TNR: variants seen among roughly 807,000 people sequenced by gnomAD.
The protein encoded by TNR is tenascin R, also known as tenascin-R.
Under a neutral mutation model 150.4 loss-of-function variants are expected in TNR, and 45 were observed. That is an observed-to-expected ratio of 0.30 (90% CI 0.24 to 0.38). The LOEUF is 0.38. Ranked by LOEUF, TNR falls within the 10% of genes least tolerant of loss-of-function variation. TNR has a pLI of 1.00. For synonymous variants in TNR, 687 were observed against 678.4 expected (o/e 1.01, Z -0.20); for missense variants, 1,544 against 1,759.1 (o/e 0.88, Z 2.19).
intron 1 of TNR, 128 bp from the exon 2 acceptor site, chr1:175,528,497 C>T (rs745484855): frequency 6.6e-6 from 1 of 152,142 alleles, no homozygotes; most frequent in Non-Finnish European, 1.5e-5. Flanking sequence ...TGTGAATTTC[C>T]AAAGCAAAGA....
chr1:175,451,566 A>C (rs12044767), intron 2 of TNR, among the ~76,000 whole-genome samples: 38,105 of 151,938 alleles, frequency 0.25, 5,011 homozygotes, highest in East Asian at 0.47. Context: ...CCAATAGGGG[A>C]TTTTGTCACT....
intron 1 of TNR, among the ~76,000 whole-genome samples, chr1:175,561,206 C>G (rs1661412635): frequency 6.6e-6 from 1 of 152,158 alleles, no homozygotes; most frequent in African/African-American, 2.4e-5. Flanking sequence ...CTCTTTCCAT[C>G]CTTTCTACAT....
intron 17 of TNR, among the ~76,000 whole-genome samples, 200 bp downstream of exon 17, chr1:175,355,303 A>G (rs1651269168): frequency 6.6e-6 from 1 of 152,158 alleles, no homozygotes. Flanking sequence ...AGCTAGGACT[A>G]TCATCCAAAT....
rs552643164 is a variant in TNR, at chr1:175,513,129, T to C, written c.-64+15140A>G. On this transcript the variant is annotated intron_variant, in intron 2 of 22. Coordinates refer to ENST00000367674, the MANE Select transcript of TNR (RefSeq NM_003285.3). ...GTTGGGTTGCCAGGTTTTAAATTGG[T>C]GGATAACATGGTAATCCTTGTAATG... Among the ~76,000 whole-genome samples, 3 of 152,330 alleles carry C rather than the reference T, an allele frequency of 2.0e-5. No individual in the cohort carries two copies. The South Asian group carries it at 6.2e-4, about 32-fold the overall frequency.
intron 20 of TNR, among the ~76,000 whole-genome samples, chr1:175,331,045 C>CTTTCTTTCTTTCT (rs1649771202): frequency 4.5e-5 from 4 of 89,408 alleles, no homozygotes; most frequent in African/African-American, 1.7e-4. Flanking sequence ...TTCTTTCTTT[C>CTTTCTTTCTTTCT]TTTCTTTCTT....
Position 175,489,708 on chromosome 1 carries a change from A to G in TNR, c.-64+38561T>C, listed in dbSNP as rs1298002702. On this transcript the variant is annotated intron_variant, in intron 2 of 22. Coordinates refer to ENST00000367674, the MANE Select transcript of TNR (RefSeq NM_003285.3). ...TGTTTGACAGGCTTGGTGTTTAATAACATTTGCCATTCAGAGTCTGATATT... is the reference window on the plus strand; with the variant it reads ...TGTTTGACAGGCTTGGTGTTTAATAGCATTTGCCATTCAGAGTCTGATATT... 2.0e-5 allele frequency among the ~76,000 whole-genome samples: 3 copies of G among 152,164 alleles called. 1 individual carries two copies. The highest frequency in any genetic ancestry group is 7.2e-5 in the African/African-American group (3 of 41,432).
At chr1:175,410,500 A>C (rs1161289530) in intron 2 of TNR, among the ~76,000 whole-genome samples, 1 of 152,062 alleles carries the variant, frequency 6.6e-6, no homozygotes, top group African/African-American at 2.4e-5. Context: ...GATGCTAGCA[A>C]CTCTGCCGGG....
intron 18 of TNR, among the ~76,000 whole-genome samples, chr1:175,343,388 C>T (rs1650621320): frequency 1.3e-5 from 2 of 152,156 alleles, no homozygotes; most frequent in African/African-American, 4.8e-5. Flanking sequence ...TTATTCAAGT[C>T]TTGGCTCACA....
intron 1 of TNR, among the ~76,000 whole-genome samples, chr1:175,655,272 A>T (rs549670741): frequency 6.6e-6 from 1 of 152,334 alleles, no homozygotes; most frequent in African/African-American, 2.4e-5. Context: ...ATCCTTGTTG[A>T]TATCTCTGCT....
chr1:175,695,544 G>GCTAAT (rs1390283376), intron 1 of TNR, among the ~76,000 whole-genome samples: 1 of 152,140 alleles, frequency 6.6e-6, no homozygotes, highest in Non-Finnish European at 1.5e-5. Context: ...ATTCTTCTAG[G>GCTAAT]CTAATCATTC....
chr1:175,408,506 G>A (rs1306303110), intron 2 of TNR, among the ~76,000 whole-genome samples: 2 of 152,162 alleles, frequency 1.3e-5, no homozygotes, highest in East Asian at 3.9e-4. Context: ...CTAGACTATA[G>A]TCTGTCCCTG....
intron 1 of TNR, among the ~76,000 whole-genome samples, chr1:175,633,993 GGATGAT>G (rs1322726718): frequency 3.7e-5 from 5 of 136,230 alleles, no homozygotes; most frequent in Middle Eastern, 3.6e-3. Flanking sequence ...CGTAGGACTG[GGATGAT>G]GATGATGATG....
Position 175,669,995 on chromosome 1 carries a change from G to T in TNR, c.-165+73231C>A, listed in dbSNP as rs189088184. ...ACTCTACACTCTGTTTCACTGTGTG[G>T]TTCACACCATGCCAGGCCTCCATGT... On this transcript the variant is annotated intron_variant, in intron 1 of 22. Coordinates refer to ENST00000367674, the MANE Select transcript of TNR (RefSeq NM_003285.3). 3.1e-3 allele frequency among the ~76,000 whole-genome samples: 475 copies of T among 152,226 alleles called. 1 individual carries two copies. Among genetic ancestry groups the T allele is most frequent in the African/African-American group, 0.011 (449 of 41,548 alleles).
chr1:175,720,415 C>G (rs1374941387), intron 1 of TNR, among the ~76,000 whole-genome samples: 1 of 152,188 alleles, frequency 6.6e-6, no homozygotes, highest in Non-Finnish European at 1.5e-5. Context: ...GTTGTTTAAA[C>G]CTCCTAGGCT....
intron 1 of TNR, among the ~76,000 whole-genome samples, chr1:175,735,086 G>A (rs1488518659): frequency 6.6e-6 from 1 of 152,176 alleles, no homozygotes; most frequent in Admixed American, 6.5e-5. Flanking sequence ...CTGGGTCACC[G>A]TGAGGAGACA....
intron 1 of TNR, among the ~76,000 whole-genome samples, chr1:175,553,816 A>ACGC (rs60039759): frequency 6.9e-6 from 1 of 145,904 alleles, no homozygotes; most frequent in South Asian, 2.1e-4. Flanking sequence ...ATACAAGAAC[A>ACGC]AACACACACA....
intron 1 of TNR, among the ~76,000 whole-genome samples, chr1:175,579,227 G>C (rs1234306436): frequency 9.7e-6 from 1 of 102,770 alleles, no homozygotes; most frequent in African/African-American, 3.7e-5. Flanking sequence ...CTTCCTTCTT[G>C]CCTGCCTACC....
intron 2 of TNR, among the ~76,000 whole-genome samples, chr1:175,451,275 G>T (rs1656305079): frequency 6.7e-6 from 1 of 149,914 alleles, no homozygotes. Context: ...CAACGTGCAG[G>T]TTTGTTATAT....
intron 13 of TNR, among the ~76,000 whole-genome samples, chr1:175,363,299 C>T (rs751574271): frequency 5.9e-5 from 9 of 152,236 alleles, no homozygotes; most frequent in Non-Finnish European, 7.3e-5. Flanking sequence ...AATGGGACCA[C>T]ATCACTGTGC....
Sources: gnomAD v4.1 joint callset for allele counts (sites outside exome capture counted in the v4.1 genomes callset) on GRCh38, gnomAD v4.1.1 for gene constraint, MANE v1.5 for transcripts, NCBI Gene and HGNC (gene_info 2026-07-23, HGNC 2026-07-21) for gene names.